NPFFR1: variants seen among roughly 807,000 people sequenced by gnomAD.
NPFFR1 encodes the protein G-protein coupled receptor 147.
In NPFFR1, 17 loss-of-function variants were observed where a neutral mutation model predicts 12.7. The ratio of observed to expected loss-of-function variants is 1.34; its 90% confidence interval spans 0.92 to 2.01. NPFFR1 has a LOEUF of 2.01. Ranked by LOEUF, NPFFR1 falls within the 30% of genes most tolerant of loss-of-function variation. NPFFR1 has a pLI of 0.00. For missense variants in NPFFR1, 604 were observed against 606.5 expected, an observed-to-expected ratio of 1.00 and a Z score of 0.04; for synonymous variants, 296 against 264.5, an observed-to-expected ratio of 1.12 and a Z score of -1.16.
Position 70,251,995 on chromosome 10 carries a change from GT to G in NPFFR1, c.*2961del, listed in dbSNP as rs1374119082. On this transcript the variant is annotated 3_prime_UTR_variant, in exon 4 of 4. Transcript: ENST00000277942. ...GCCTCTGTTTTGTCAGCCATAAAGG[GT>G]AAGTTGGGAGAGACCCTGGTTCCCA... 6.6e-6 allele frequency: 1 copy of G among 152,188 alleles called. No homozygotes were observed. The highest frequency in any genetic ancestry group is 2.4e-5 in the African/African-American group (1 of 41,436). The allele number at this position is 152,188 out of a possible 1,614,324, so 9.4% of individuals were successfully genotyped here.
In NPFFR1 at chr10:70,255,486, T is replaced by C. The variant is rs764159922; in HGVS notation, c.764A>G (p.Glu255Gly). The change falls in exon 4 of 4, where the codon GAG becomes GGG. Residue 255 changes from glutamate to glycine, a missense_variant. Coordinates refer to ENST00000277942, the MANE Select transcript of NPFFR1 (RefSeq NM_022146.5). The surrounding 1 kb of genome is among the most constrained non-coding windows in gnomAD (Gnocchi z 4.2). Reference protein sequence around the residue: ...QAPGPAPGGEEAADPRASRRR... With the variant: ...QAPGPAPGGEGAADPRASRRR... ...CCGCGATGCTCGCGGGTCCGCAGCC[T>C]CCTCGCCCCCGGGGGCCGGGCCCGG... is the stretch of plus-strand genomic sequence containing the variant. The C allele has an allele frequency of 7.3e-5, 113 of 1,547,432 alleles. No individual in the cohort carries two copies. The East Asian group carries it at 2.7e-3, about 37-fold the overall frequency.
Position 70,255,969 on chromosome 10 carries a change from G to A in NPFFR1, c.423-142C>T, listed in dbSNP as rs1840568256. Reference sequence around the variant, plus strand: ...AACAGCTCAGACCTGAATTGGCTGAGTAGTCAAAGAACAAAGGCAGCTACA... The same window carrying A: ...AACAGCTCAGACCTGAATTGGCTGAATAGTCAAAGAACAAAGGCAGCTACA... On this transcript the variant is annotated intron_variant, in intron 3 of 3. Coordinates refer to ENST00000277942, the MANE Select transcript of NPFFR1 (RefSeq NM_022146.5). The surrounding 1 kb of genome is among the most constrained non-coding windows in gnomAD (Gnocchi z 4.2). 4 of 852,030 alleles carry A rather than the reference G, an allele frequency of 4.7e-6. No individual in the cohort carries two copies. The highest frequency in any genetic ancestry group is 5.3e-5 in the East Asian group (2 of 37,412). 52.8% of individuals were successfully genotyped at this position (852,030 alleles called of 1,614,324 possible).
chr10:70,264,562 T>C lies in NPFFR1; in HGVS notation c.322+1515A>G, dbSNP rs1329928114. Among the ~76,000 whole-genome samples the C allele has an allele frequency of 3.9e-5, 6 of 152,166 alleles. No individual in the cohort carries two copies. In the South Asian group the frequency reaches 1.0e-3, roughly 26 times the overall value. On this transcript the variant is annotated intron_variant, in intron 2 of 3. Transcript: ENST00000277942. ...TATTTATTAATATGGGATAACAACA[T>C]GTAAGTTTATTTTAATGAATCTTTT...
At position 70,266,267 on chromosome 10, in the gene NPFFR1, G is replaced by T. The variant is rs1183929299; in HGVS notation, c.132C>A (p.Ala44=). 5 of 1,613,984 alleles carry T rather than the reference G, an allele frequency of 3.1e-6. No homozygotes were observed. Among genetic ancestry groups the T allele is most frequent in the Non-Finnish European group, 4.2e-6 (5 of 1,179,884 alleles). Residue 44 remains alanine, a synonymous_variant, in exon 2 of 4, where the codon GCC becomes GCA. Transcript: ENST00000277942. Reference sequence around the variant, plus strand: ...TGAGCGCATAGGCCACAATGAACATGGCCGCCACAGGGGAGGTGTGCTGAT... The same window carrying T: ...TGAGCGCATAGGCCACAATGAACATTGCCGCCACAGGGGAGGTGTGCTGAT... ...SYYQHTSPVA[A]MFIVAYALIF...
Position 70,253,200 on chromosome 10 carries a change from C to G in NPFFR1, c.*1757G>C, listed in dbSNP as rs1186698582. On this transcript the variant is annotated 3_prime_UTR_variant, in exon 4 of 4. Coordinates refer to ENST00000277942, the MANE Select transcript of NPFFR1 (RefSeq NM_022146.5). ...TCATGATGGCTCTTGGCAGCCTGCT[C>G]AGCACCAGGGCAAGAACAACTCAGG... 1.1e-4 allele frequency: 16 copies of G among 152,346 alleles called. No individual in the cohort carries two copies. Among genetic ancestry groups the G allele is most frequent in the Admixed American group, 9.2e-4 (14 of 15,282 alleles). The allele number at this position is 152,346 out of a possible 1,614,324, so 9.4% of individuals were successfully genotyped here. A position where few individuals can be genotyped will look rare whatever the true frequency, so the allele number is the denominator to read the frequency against.
In NPFFR1 at chr10:70,260,779, C is replaced by T. The variant is rs372380304; in HGVS notation, c.323-40G>A. The T allele has an allele frequency of 8.0e-5, 122 of 1,522,772 alleles. No homozygotes were observed. The African/African-American group carries it at 9.9e-4, about 12-fold the overall frequency. 94.3% of individuals were successfully genotyped at this position (1,522,772 alleles called of 1,614,324 possible). ...GCCCCCACAGAGTGAGAGATGCCCA[C>T]GCATCAAGAGCCAGAGACTGAAAGC... is the stretch of plus-strand genomic sequence containing the variant. On this transcript the variant is annotated intron_variant, in intron 2 of 3. Transcript: ENST00000277942.
At chr10:70,278,132 T>G (rs1387588610) in intron 1 of NPFFR1, among the ~76,000 whole-genome samples, 1 of 152,092 alleles carries the variant, frequency 6.6e-6, no homozygotes, top group Admixed American at 6.5e-5. Flanking sequence ...TGAGTTGAGT[T>G]GTCTTACTGC....
chr10:70,265,614 C>T (rs1030093583), intron 2 of NPFFR1, among the ~76,000 whole-genome samples: 1 of 152,230 alleles, frequency 6.6e-6, no homozygotes, highest in Non-Finnish European at 1.5e-5. Flanking sequence ...CTCCCTTCCA[C>T]TTCTCCCCAC....
At chr10:70,274,959 G>A (rs900838153) in intron 1 of NPFFR1, among the ~76,000 whole-genome samples, 33 of 152,134 alleles carry the variant, frequency 2.2e-4, no homozygotes, top group African/African-American at 8.0e-4. Flanking sequence ...GAGGAAGGAG[G>A]CCTCTTGAGA....
intron 1 of NPFFR1, among the ~76,000 whole-genome samples, chr10:70,273,618 C>A (rs1840771881): frequency 6.6e-6 from 1 of 152,160 alleles, no homozygotes; most frequent in Non-Finnish European, 1.5e-5. Flanking sequence ...GGGAGTCAGC[C>A]TCCTCCTCAC....
chr10:70,274,836 G>A (rs1440293112), intron 1 of NPFFR1, among the ~76,000 whole-genome samples: 2 of 152,224 alleles, frequency 1.3e-5, no homozygotes, highest in Non-Finnish European at 2.9e-5. Flanking sequence ...GGAACCAGTA[G>A]GTCGCAGTGT....
At chr10:70,260,611 A>G in intron 3 of NPFFR1, 29 bp downstream of exon 3, 1 of 1,568,914 alleles carries the variant, frequency 6.4e-7, no homozygotes, top group Non-Finnish European at 8.7e-7. Flanking sequence ...TAGTTGGCTC[A>G]GGCATAATCC....
intron 1 of NPFFR1, among the ~76,000 whole-genome samples, chr10:70,271,070 G>C (rs12218028): frequency 0.049 from 7,473 of 152,286 alleles, 366 homozygotes; most frequent in East Asian, 0.18. Flanking sequence ...GCATCCTTCA[G>C]ATGATTCCAA....
In NPFFR1 at chr10:70,255,916, C is replaced by A; in HGVS notation, c.423-89G>T. On this transcript the variant is annotated intron_variant, in intron 3 of 3. Transcript: ENST00000277942. The surrounding 1 kb of genome is among the most constrained non-coding windows in gnomAD (Gnocchi z 4.2). ...GGGTGGGATGCGGGCACCTGACCTTCATCATCGCATCTAGGGCGGCGTCGA... is the reference window on the plus strand; with the variant it reads ...GGGTGGGATGCGGGCACCTGACCTTAATCATCGCATCTAGGGCGGCGTCGA... 3 of 1,381,952 alleles carry A rather than the reference C, an allele frequency of 2.2e-6. No homozygotes were observed. The highest frequency in any genetic ancestry group is 3.0e-6 in the Non-Finnish European group (3 of 1,016,476). 85.6% of individuals were successfully genotyped at this position (1,381,952 alleles called of 1,614,324 possible). A position where few individuals can be genotyped will look rare whatever the true frequency, so the allele number is the denominator to read the frequency against.
At position 70,262,719 on chromosome 10, in the gene NPFFR1, A is replaced by C. The variant is rs1370952673; in HGVS notation, c.323-1980T>G. Among the ~76,000 whole-genome samples, 4 of 152,236 alleles carry C rather than the reference A, an allele frequency of 2.6e-5. No individual in the cohort carries two copies. In the East Asian group the frequency reaches 5.8e-4, roughly 22 times the overall value. ...AGAGGTATCAGTCTGAACTCATGTT[A>C]ATACACATACAGATGGACAGATATA... On this transcript the variant is annotated intron_variant, in intron 2 of 3. Coordinates refer to ENST00000277942, the MANE Select transcript of NPFFR1 (RefSeq NM_022146.5).
Position 70,266,151 on chromosome 10 carries a change from A to T in NPFFR1, c.248T>A (p.Leu83His). Residue 83 changes from leucine (L) to histidine (H), a missense_variant, in exon 2 of 4, where the codon CTC becomes CAC. Physicochemically the swap from Leu to His is moderately conservative, Grantham distance 99. Coordinates refer to ENST00000277942, the MANE Select transcript of NPFFR1 (RefSeq NM_022146.5). ...CAGCAGGTCACTGACAGCCAGGTTG[A>T]GGATGAACATGTTGGTGACAGTATG... ...HMHTVTNMFI[L>H]NLAVSDLLVG... 1 of 1,614,024 alleles carries T rather than the reference A, an allele frequency of 6.2e-7. No individual in the cohort carries two copies. Among genetic ancestry groups the T allele is most frequent in the Non-Finnish European group, 8.5e-7 (1 of 1,179,888 alleles).
intron 1 of NPFFR1, among the ~76,000 whole-genome samples, chr10:70,280,879 G>A (rs1370967561): frequency 6.6e-6 from 1 of 152,122 alleles, no homozygotes; most frequent in Non-Finnish European, 1.5e-5. Flanking sequence ...GCACATGCCT[G>A]TAATCCCAGC....
Position 70,255,619 on chromosome 10 carries a change from C to A in NPFFR1, c.631G>T (p.Gly211Cys). The part of the protein sequence containing the change: ...YSCWEAWPEK[G>C]MRRVYTTVLF... ...ACAGTGGTGTAGACCCTGCGCATGC[C>A]CTTCTCGGGCCAGGCCTCCCAGCAG... Residue 211 changes from glycine to cysteine, a missense_variant, in exon 4 of 4, where the codon GGC becomes TGC. Transcript: ENST00000277942. This position sits in a 1 kb window ranked among gnomAD's most constrained non-coding sequence, Gnocchi z 4.2. 1 of 1,572,462 alleles carries A rather than the reference C, an allele frequency of 6.4e-7. No homozygotes were observed. Among genetic ancestry groups the A allele is most frequent in the Non-Finnish European group, 8.6e-7 (1 of 1,159,156 alleles).
In NPFFR1 at chr10:70,252,613, A is replaced by C. The variant is rs1174219903; in HGVS notation, c.*2344T>G. 6.6e-6 allele frequency: 1 copy of C among 152,242 alleles called. No homozygotes were observed. The allele number at this position is 152,242 out of a possible 1,614,324, so 9.4% of individuals were successfully genotyped here. On this transcript the variant is annotated 3_prime_UTR_variant, in exon 4 of 4. Transcript: ENST00000277942. ...CTCACTGCTTCATTAAAGCATTGTCATGCCTGTTATCACTCAGATCTGAAT... is the reference window on the plus strand; with the variant it reads ...CTCACTGCTTCATTAAAGCATTGTCCTGCCTGTTATCACTCAGATCTGAAT...
Sources: allele counts gnomAD v4.1 joint callset (sites outside exome capture counted in the v4.1 genomes callset), GRCh38; gene constraint gnomAD v4.1.1; non-coding constraint Gnocchi (gnomAD v3.1); transcripts MANE v1.5; gene names NCBI Gene and HGNC (gene_info 2026-07-23, HGNC 2026-07-21).